The following TAF11 variants were observed in gnomAD, a reference collection of about 807,000 sequenced individuals.
The protein encoded by TAF11 is TATA-box binding protein associated factor 11, also known as transcription initiation factor TFIID subunit 11.
A neutral mutation model predicts 23.0 loss-of-function variants in TAF11; 10 were observed. That is an observed-to-expected ratio of 0.43 (90% CI 0.27 to 0.74). TAF11 has a LOEUF of 0.74. Ranked by LOEUF, TAF11 falls within the 30% of genes least tolerant of loss-of-function variation. The probability of loss-of-function intolerance (pLI) is 0.19; values close to 1 mark genes in which losing one functional copy is unlikely to be tolerated. For missense variants in TAF11, 196 were observed against 261.7 expected, an observed-to-expected ratio of 0.75 and a Z score of 1.73; for synonymous variants, 85 against 95.8, an observed-to-expected ratio of 0.89 and a Z score of 0.66.
chr6:34,879,537 G>C (rs1766381172), intron 4 of TAF11: 5 of 983,546 alleles, frequency 5.1e-6, no homozygotes, highest in Non-Finnish European at 4.8e-6. Flanking sequence ...AATTTCACCA[G>C]CTAGAGTAGC....
intron 1 of TAF11, among the ~76,000 whole-genome samples, chr6:34,885,453 GT>G (rs1302338219): frequency 6.6e-6 from 1 of 152,024 alleles, no homozygotes; most frequent in Admixed American, 6.5e-5. Flanking sequence ...GCTTTTTGTA[GT>G]TAATTTCAAG....
rs745830118 is a variant in TAF11 at position 34,887,990 on chromosome 6, G to A, written c.-33C>T. On this transcript the variant is annotated 5_prime_UTR_variant, in exon 1 of 5. Coordinates refer to ENST00000361288, the MANE Select transcript of TAF11 (RefSeq NM_005643.4). The stretch of plus-strand genomic sequence containing the variant: ...AGGATTGGAGGGGAGAGGAGATCGC[G>A]GAGATGCCTGAGGCAGAAGCTCGGA... 6.2e-7 allele frequency: 1 copy of A among 1,612,112 alleles called. No homozygotes were observed. Among genetic ancestry groups the A allele is most frequent in the Non-Finnish European group, 8.5e-7 (1 of 1,178,894 alleles).
At chr6:34,886,809 T>C (rs1026495310) in intron 1 of TAF11, among the ~76,000 whole-genome samples, 2 of 152,196 alleles carry the variant, frequency 1.3e-5, no homozygotes, top group African/African-American at 4.8e-5. Context: ...TACATTTTGA[T>C]GCAACTTTAT....
At chr6:34,883,162 CA>C in intron 1 of TAF11, 82 bp from the exon 2 acceptor site, 2 of 1,399,512 alleles carry the variant, frequency 1.4e-6, no homozygotes, top group Non-Finnish European at 1.9e-6. Flanking sequence ...ATCCTTATCA[CA>C]AAACAACAAA....
At chr6:34,884,092 C>T (rs1766490767) in intron 1 of TAF11, among the ~76,000 whole-genome samples, 1 of 152,142 alleles carries the variant, frequency 6.6e-6, no homozygotes, top group Non-Finnish European at 1.5e-5. Flanking sequence ...ATAAATTGTT[C>T]TATTATAAAG....
At chr6:34,882,530 G>C (rs977543114) in intron 2 of TAF11, among the ~76,000 whole-genome samples, 25 of 151,898 alleles carry the variant, frequency 1.6e-4, no homozygotes, top group African/African-American at 6.0e-4. Context: ...TGTAGTCCCA[G>C]CTACTCGGGA....
chr6:34,880,243 C>A lies in TAF11; in HGVS notation c.408+46G>T. On this transcript the variant is annotated intron_variant, in intron 3 of 4. Transcript: ENST00000361288. The surrounding 1 kb of genome is among the most constrained non-coding windows in gnomAD (Gnocchi z 4.8). Reference sequence around the variant, plus strand: ...TGCCAATGGACATGGCTCTTGAGTTCAGTTCTAAAACGTGATGGAGATGAA... The same window carrying A: ...TGCCAATGGACATGGCTCTTGAGTTAAGTTCTAAAACGTGATGGAGATGAA... The A allele has an allele frequency of 1.9e-6, 3 of 1,602,416 alleles. No individual in the cohort carries two copies. Among genetic ancestry groups the A allele is most frequent in the South Asian group, 2.2e-5 (2 of 90,276 alleles).
intron 2 of TAF11, among the ~76,000 whole-genome samples, chr6:34,881,549 C>G (rs899486836): frequency 6.6e-6 from 1 of 151,964 alleles, no homozygotes; most frequent in African/African-American, 2.4e-5. Flanking sequence ...ACATGGAAAA[C>G]ATTCACCATA....
At chr6:34,883,128 G>A (rs1320134337) in intron 1 of TAF11, 48 bp from the exon 2 acceptor site, 1 of 1,569,236 alleles carries the variant, frequency 6.4e-7, no homozygotes, top group East Asian at 2.3e-5. Flanking sequence ...TACTTTCCAG[G>A]CTTGGGCAAA....
At chr6:34,884,718 A>G (rs987722878) in intron 1 of TAF11, among the ~76,000 whole-genome samples, 1 of 152,214 alleles carries the variant, frequency 6.6e-6, no homozygotes, top group African/African-American at 2.4e-5. Context: ...ATTCAAATTT[A>G]AACTCATACA....
chr6:34,884,787 T>A (rs1766501007), intron 1 of TAF11, among the ~76,000 whole-genome samples: 1 of 152,192 alleles, frequency 6.6e-6, no homozygotes, highest in Admixed American at 6.5e-5. Flanking sequence ...TTCAATTTCT[T>A]TTTAGTTACT....
rs895692942 is a variant in TAF11, at chr6:34,878,305, C to T, written c.*285G>A. 1 of 343,114 alleles carries T rather than the reference C, an allele frequency of 2.9e-6. No individual in the cohort carries two copies. Among genetic ancestry groups the T allele is most frequent in the Non-Finnish European group, 5.4e-6 (1 of 186,738 alleles). The allele number at this position is 343,114 out of a possible 1,614,324, so 21.3% of individuals were successfully genotyped here. On this transcript the variant is annotated 3_prime_UTR_variant, in exon 5 of 5. Coordinates refer to ENST00000361288, the MANE Select transcript of TAF11 (RefSeq NM_005643.4). ...AAAGGTTTTCTCTCTGAAAGCAGTT[C>T]CCCTGTCCAGAAGATGCTTATGGCC...
At chr6:34,884,153 T>C (rs1176066476) in intron 1 of TAF11, among the ~76,000 whole-genome samples, 1 of 152,154 alleles carries the variant, frequency 6.6e-6, no homozygotes, top group Non-Finnish European at 1.5e-5. Flanking sequence ...AGCAAAGACA[T>C]GGAATCAACC....
intron 4 of TAF11, chr6:34,879,626 C>G: frequency 1.0e-6 from 1 of 985,140 alleles, no homozygotes; most frequent in Non-Finnish European, 1.2e-6. Flanking sequence ...GACAACTCAC[C>G]ATCCCACACA....
Position 34,880,077 on chromosome 6 carries a change from CAA to C in TAF11, c.409-16_409-15del. On this transcript the variant is annotated splice_polypyrimidine_tract_variant and intron_variant, in intron 3 of 4. Transcript: ENST00000361288. This position sits in a 1 kb window ranked among gnomAD's most constrained non-coding sequence, Gnocchi z 4.8. ...GGACTGGATCAGCTTGAAAGAAGCA[CAA>C]AGACTCCGTGATCACAATAGTCAAA... The C allele has an allele frequency of 6.2e-7, 1 of 1,611,130 alleles. No individual in the cohort carries two copies.
chr6:34,885,225 A>T (rs772236193), intron 1 of TAF11, among the ~76,000 whole-genome samples: 33 of 151,824 alleles, frequency 2.2e-4, no homozygotes, highest in Non-Finnish European at 1.5e-4. Context: ...GACCCACTCC[A>T]CTAGGCCCTT....
In TAF11 at chr6:34,887,777, C is replaced by T; in HGVS notation, c.171+10G>A. The T allele has an allele frequency of 6.2e-7, 1 of 1,614,164 alleles. No homozygotes were observed. The highest frequency in any genetic ancestry group is 1.3e-5 in the African/African-American group (1 of 75,066). ...TATTCCTTCAGCCTCATCAGTACAT[C>T]TCTTCCTACCTCGCCTTCCTCCGCT... On this transcript the variant is annotated intron_variant, in intron 1 of 4. Coordinates refer to ENST00000361288, the MANE Select transcript of TAF11 (RefSeq NM_005643.4).
In TAF11 at chr6:34,884,459, T is replaced by A. The variant is rs182912297; in HGVS notation, c.172-1379A>T. Among the ~76,000 whole-genome samples, 9 of 151,478 alleles carry A rather than the reference T, an allele frequency of 5.9e-5. No individual in the cohort carries two copies. The East Asian group carries it at 1.7e-3, about 29-fold the overall frequency. ...ATGAAGGGTGGCAGGAGGGAAAGGA[T>A]CAGGAAAAATAACTAAGGGACACTA... On this transcript the variant is annotated intron_variant, in intron 1 of 4. Transcript: ENST00000361288.
At chr6:34,883,382 G>A (rs551833041) in intron 1 of TAF11, among the ~76,000 whole-genome samples, 138 of 54,190 alleles carry the variant, frequency 2.5e-3, no homozygotes, top group African/African-American at 4.6e-3. Context: ...ACCCTCCCCC[G>A]GGCCCACTCT....
Sources: gnomAD v4.1 joint callset for allele counts (sites outside exome capture counted in the v4.1 genomes callset) on GRCh38, gnomAD v4.1.1 for gene constraint, Gnocchi (gnomAD v3.1) non-coding constraint, MANE v1.5 for transcripts, NCBI Gene and HGNC (gene_info 2026-07-23, HGNC 2026-07-21) for gene names.